The following VENTX variants were observed in gnomAD, a reference collection of about 807,000 sequenced individuals.
The protein encoded by VENTX is VENT homeobox, also known as homeobox protein VENTX.
VENTX carries 13 observed loss-of-function variants against 10.5 expected under a neutral mutation model. That is an observed-to-expected ratio of 1.23 (90% CI 0.80 to 1.96). VENTX has a LOEUF of 1.96. Ranked by LOEUF, VENTX falls within the 30% of genes most tolerant of loss-of-function variation. The pLI, the probability that VENTX is intolerant of heterozygous loss-of-function variation, is 0.00. For synonymous variants in VENTX, 177 were observed against 150.4 expected (o/e 1.18, Z -1.29); for missense variants, 400 against 341.8 (o/e 1.17, Z -1.34).
At chr10:133,238,895 G>A (rs1209285150) in intron 1 of VENTX, among the ~76,000 whole-genome samples, 1 of 152,118 alleles carries the variant, frequency 6.6e-6, no homozygotes. Context: ...AAATTTAAAT[G>A]TATTCTCCCC....
intron 1 of VENTX, 45 bp from the exon 2 acceptor site, chr10:133,239,631 C>T (rs776210156): frequency 1.2e-6 from 2 of 1,606,212 alleles, no homozygotes; most frequent in African/African-American, 1.3e-5. Flanking sequence ...GAGCTTGCCC[C>T]ATGGGGTGGC....
In VENTX at chr10:133,240,056, T is replaced by C; in HGVS notation, c.527T>C (p.Leu176Pro). 1 of 1,611,904 alleles carries C rather than the reference T, an allele frequency of 6.2e-7. No homozygotes were observed. Among genetic ancestry groups the C allele is most frequent in the Admixed American group, 1.7e-5 (1 of 60,024 alleles). Residue 176 changes from leucine (L) to proline (P), a missense_variant, in exon 3 of 3, where the codon CTT becomes CCT. Physicochemically the swap from Leu to Pro is moderately conservative, Grantham distance 98. Coordinates refer to ENST00000325980, the MANE Select transcript of VENTX (RefSeq NM_014468.4). ...GCTTTCTACTCAACGTCTTCTGGCCTTGCCAATGGCCTGCAGCTGCTGTGC... is the reference window on the plus strand; with the variant it reads ...GCTTTCTACTCAACGTCTTCTGGCCCTGCCAATGGCCTGCAGCTGCTGTGC... The part of the protein sequence containing the change: ...PPAFYSTSSG[L>P]ANGLQLLCPW...
rs1845935238 is a variant in VENTX, at chr10:133,241,613, C to G, written c.*1307C>G. ...GTTCAGCCTGCAGAACTGGAGGCGA[C>G]CTGTGAAACCCACCCGGGCACCCCA... On this transcript the variant is annotated 3_prime_UTR_variant, in exon 3 of 3. Coordinates refer to ENST00000325980, the MANE Select transcript of VENTX (RefSeq NM_014468.4). 1 of 152,252 alleles carries G rather than the reference C, an allele frequency of 6.6e-6. No homozygotes were observed. The highest frequency in any genetic ancestry group is 2.4e-5 in the African/African-American group (1 of 41,460). 9.4% of individuals were successfully genotyped at this position (152,252 alleles called of 1,614,324 possible). A position where few individuals can be genotyped will look rare whatever the true frequency, so the allele number is the denominator to read the frequency against.
chr10:133,238,600 C>T (rs1312412142), intron 1 of VENTX, among the ~76,000 whole-genome samples: 1 of 152,024 alleles, frequency 6.6e-6, no homozygotes, highest in East Asian at 1.9e-4. Context: ...TTCCGGGTCA[C>T]CTGGAGCACA....
Position 133,241,009 on chromosome 10 carries a change from G to A in VENTX, c.*703G>A, listed in dbSNP as rs1264813413. On this transcript the variant is annotated 3_prime_UTR_variant, in exon 3 of 3. Transcript: ENST00000325980. ...GATCATTTGTTTTTTAAAAGGGGTT[G>A]GAAAAACTGGTTTTCCAGTTGGAAA... The A allele has an allele frequency of 6.6e-6, 1 of 152,172 alleles. No individual in the cohort carries two copies. Among genetic ancestry groups the A allele is most frequent in the Non-Finnish European group, 1.5e-5 (1 of 68,038 alleles). 9.4% of individuals were successfully genotyped at this position (152,172 alleles called of 1,614,324 possible). A position where few individuals can be genotyped will look rare whatever the true frequency, so the allele number is the denominator to read the frequency against.
In VENTX at chr10:133,239,754, A is replaced by G. The variant is rs1300062242; in HGVS notation, c.320A>G (p.Glu107Gly). 1.9e-6 allele frequency: 3 copies of G among 1,610,732 alleles called. No homozygotes were observed. The Admixed American group carries it at 5.0e-5, about 27-fold the overall frequency. The change falls in exon 2 of 3, where the codon GAG becomes GGG. Residue 107 changes from glutamate to glycine, a missense_variant. Physicochemically the swap from Glu to Gly is moderately conservative, Grantham distance 98. Coordinates refer to ENST00000325980, the MANE Select transcript of VENTX (RefSeq NM_014468.4). ...AFTMEQVRTL[E>G]GVFQHHQYLS... Reference sequence around the variant, plus strand: ...ACCATGGAGCAGGTCCGCACCTTGGAGGGCGTCTTCCAGCACCACCAGTAC... The same window carrying G: ...ACCATGGAGCAGGTCCGCACCTTGGGGGGCGTCTTCCAGCACCACCAGTAC...
At chr10:133,238,207 GGGAGAGGCCAGGAGCCCGGC>G in intron 1 of VENTX, 52 bp downstream of exon 1, 1 of 1,525,306 alleles carries the variant, frequency 6.6e-7, no homozygotes, top group South Asian at 1.3e-5. Flanking sequence ...ATGGGAGTGG[GGGAGAGGCCAGGAGCCCGGC>G]GGCTGCACTC....
intron 1 of VENTX, among the ~76,000 whole-genome samples, chr10:133,238,803 T>G (rs112300749): frequency 6.0e-4 from 92 of 152,358 alleles, no homozygotes; most frequent in Middle Eastern, 3.4e-3. Context: ...TGGTCAAAAG[T>G]GGGGTTGACA....
chr10:133,237,970 C>G lies in VENTX; in HGVS notation c.56C>G (p.Ser19Cys). ...RGPQQLSSFG[S>C]VDWLSQSSCS... Reference sequence around the variant, plus strand: ...CCGCAGCAGCTCTCCAGCTTTGGCTCCGTGGACTGGCTCTCCCAGAGCAGC... The same window carrying G: ...CCGCAGCAGCTCTCCAGCTTTGGCTGCGTGGACTGGCTCTCCCAGAGCAGC... Residue 19 changes from serine to cysteine, a missense_variant, in exon 1 of 3, where the codon TCC becomes TGC. Ser to Cys is a moderately radical substitution (Grantham distance 112). Transcript: ENST00000325980. 4 of 1,600,814 alleles carry G rather than the reference C, an allele frequency of 2.5e-6. No individual in the cohort carries two copies. Among genetic ancestry groups the G allele is most frequent in the Non-Finnish European group, 3.4e-6 (4 of 1,177,660 alleles).
chr10:133,239,901 C>A, intron 2 of VENTX, 31 bp from the exon 3 acceptor site: 2 of 1,607,706 alleles, frequency 1.2e-6, no homozygotes, highest in Non-Finnish European at 1.7e-6. Flanking sequence ...GGCCTAGTCT[C>A]ACCCCTGTTC....
At position 133,239,705 on chromosome 10, in the gene VENTX, GC is replaced by G; in HGVS notation, c.277del (p.Arg93ValfsTer24). On this transcript the variant is annotated frameshift_variant, in exon 2 of 3. Transcript: ENST00000325980. LOFTEE classifies it high-confidence loss of function. The stretch of plus-strand genomic sequence containing the variant: ...GAGTAAGGAGCCAAATACCTTGCGG[GC>G]CCCCCGTGTCCGCACAGCCTTCACC... ...GLSKEPNTLRAPRVRTAFTME... is the reference protein window; with the variant it reads ...GLSKEPNTLRXPRVRTAFTME... The G allele has an allele frequency of 3.7e-6, 6 of 1,611,092 alleles. No homozygotes were observed. Among genetic ancestry groups the G allele is most frequent in the East Asian group, 2.2e-5 (1 of 44,870 alleles).
In VENTX at chr10:133,237,982, T is replaced by C; in HGVS notation, c.68T>C (p.Leu23Pro). 1 of 1,600,834 alleles carries C rather than the reference T, an allele frequency of 6.2e-7. No homozygotes were observed. Among genetic ancestry groups the C allele is most frequent in the South Asian group, 1.1e-5 (1 of 89,358 alleles). Residue 23 changes from leucine to proline, a missense_variant, in exon 1 of 3, where the codon CTC (leucine) becomes CCC (proline). Transcript: ENST00000325980. The stretch of plus-strand genomic sequence containing the variant: ...TCCAGCTTTGGCTCCGTGGACTGGC[T>C]CTCCCAGAGCAGCTGCTCAGGGCCG... ...QLSSFGSVDW[L>P]SQSSCSGPTH...
chr10:133,238,756 G>T (rs1331936588), intron 1 of VENTX, among the ~76,000 whole-genome samples: 1 of 152,234 alleles, frequency 6.6e-6, no homozygotes, highest in East Asian at 1.9e-4. Flanking sequence ...TTTAGTCTTT[G>T]TGACATCATC....
rs529009990 is a variant in VENTX at position 133,238,649 on chromosome 10, G to A, written c.241+494G>A. Among the ~76,000 whole-genome samples, 20 of 152,292 alleles carry A rather than the reference G, an allele frequency of 1.3e-4. No individual in the cohort carries two copies. In the South Asian group the frequency reaches 3.1e-3, roughly 24 times the overall value. ...AGCCTGCAGGTTCGCTGCAGGGGTG[G>A]CGGTGACCCCGATGCCTGCAGAAAC... is the stretch of plus-strand genomic sequence containing the variant. On this transcript the variant is annotated intron_variant, in intron 1 of 2. Transcript: ENST00000325980.
Position 133,239,787 on chromosome 10 carries a change from C to A in VENTX, c.353C>A (p.Pro118His), listed in dbSNP as rs139243086. ...GVFQHHQYLS[P>H]LERKRLAREM... ...TTCCAGCACCACCAGTACCTGAGCCCTCTGGAGCGGAAGAGGCTGGCCAGG... is the reference window on the plus strand; with the variant it reads ...TTCCAGCACCACCAGTACCTGAGCCATCTGGAGCGGAAGAGGCTGGCCAGG... Residue 118 changes from proline (P) to histidine (H), a missense_variant, in exon 2 of 3, where the codon CCT becomes CAT. Physicochemically the swap from Pro to His is moderately conservative, Grantham distance 77. Transcript: ENST00000325980. 1 of 1,611,310 alleles carries A rather than the reference C, an allele frequency of 6.2e-7. No individual in the cohort carries two copies. The highest frequency in any genetic ancestry group is 1.1e-5 in the South Asian group (1 of 90,998).
At chr10:133,238,209 G>A (rs1845879608) in intron 1 of VENTX, 54 bp downstream of exon 1, 5 of 1,508,360 alleles carry the variant, frequency 3.3e-6, no homozygotes, top group Non-Finnish European at 4.4e-6. Flanking sequence ...GGGAGTGGGG[G>A]AGAGGCCAGG....
chr10:133,239,659 C>G lies in VENTX; in HGVS notation c.242-17C>G. On this transcript the variant is annotated splice_polypyrimidine_tract_variant and intron_variant, in intron 1 of 2. Transcript: ENST00000325980. The stretch of plus-strand genomic sequence containing the variant: ...GGGGTGGCATGTTGAGCCAAATGCC[C>G]TTACCCTCTATGTCAGGGTTGAGTA... The G allele has an allele frequency of 6.2e-7, 1 of 1,610,908 alleles. No homozygotes were observed. Among genetic ancestry groups the G allele is most frequent in the Non-Finnish European group, 8.5e-7 (1 of 1,179,916 alleles).
At chr10:133,239,033 G>C (rs1382066624) in intron 1 of VENTX, among the ~76,000 whole-genome samples, 1 of 152,180 alleles carries the variant, frequency 6.6e-6, no homozygotes, top group Non-Finnish European at 1.5e-5. Flanking sequence ...GTGCTTTCAG[G>C]CTAACGTTAA....
At chr10:133,239,120 G>A (rs1050715436) in intron 1 of VENTX, among the ~76,000 whole-genome samples, 11 of 152,240 alleles carry the variant, frequency 7.2e-5, no homozygotes, top group African/African-American at 2.7e-4. Context: ...TTAATGTCGA[G>A]CTCGATTGGC....
Sources: gnomAD v4.1 joint callset for allele counts (sites outside exome capture counted in the v4.1 genomes callset) on GRCh38, gnomAD v4.1.1 for gene constraint, MANE v1.5 for transcripts, NCBI Gene and HGNC (gene_info 2026-07-23, HGNC 2026-07-21) for gene names.